The following TBC1D22A variants were observed in gnomAD, a reference collection of about 807,000 sequenced individuals.
The protein encoded by TBC1D22A is putative GTPase activator.
In TBC1D22A, 38 loss-of-function variants were observed where a neutral mutation model predicts 60.2. The ratio of observed to expected loss-of-function variants is 0.63; its 90% CI spans 0.49 to 0.83. The LOEUF (loss-of-function observed/expected upper bound fraction) is 0.83, where lower values mean the gene tolerates loss of function less well. Ranked by LOEUF, TBC1D22A falls within the 40% of genes least tolerant of loss-of-function variation. The probability of loss-of-function intolerance (pLI) is 0.00; values close to 1 mark genes in which losing one functional copy is unlikely to be tolerated. For missense variants in TBC1D22A, 628 were observed against 701.0 expected, an observed-to-expected ratio of 0.90 and a Z score of 1.18; for synonymous variants, 302 against 281.7, an observed-to-expected ratio of 1.07 and a Z score of -0.72.
chr22:47,030,597 A>G (rs2062438354), intron 10 of TBC1D22A, among the ~76,000 whole-genome samples: 1 of 152,190 alleles, frequency 6.6e-6, no homozygotes, highest in African/African-American at 2.4e-5. Flanking sequence ...CCTGCCACAT[A>G]AGGGCTTTAT....
At chr22:46,772,113 G>A (rs2083502806) in intron 1 of TBC1D22A, among the ~76,000 whole-genome samples, 1 of 107,800 alleles carries the variant, frequency 9.3e-6, no homozygotes. Flanking sequence ...ACATATATAT[G>A]TATACACACA....
chr22:46,895,061 G>T (rs1166221514), intron 7 of TBC1D22A, among the ~76,000 whole-genome samples: 1 of 152,196 alleles, frequency 6.6e-6, no homozygotes, highest in Admixed American at 6.5e-5. Flanking sequence ...ACACAGCGAA[G>T]AATGTATGTA....
At chr22:47,089,533 T>A (rs2064835136) in intron 11 of TBC1D22A, among the ~76,000 whole-genome samples, 1 of 152,222 alleles carries the variant, frequency 6.6e-6, no homozygotes, top group Non-Finnish European at 1.5e-5. Context: ...CACAGACATG[T>A]GCGCACAAAG....
At chr22:46,958,192 C>T (rs987778587) in intron 8 of TBC1D22A, among the ~76,000 whole-genome samples, 3 of 152,206 alleles carry the variant, frequency 2.0e-5, no homozygotes, top group African/African-American at 7.2e-5. Flanking sequence ...GCACCCTGCT[C>T]TGGCGGTTGT....
intron 11 of TBC1D22A, among the ~76,000 whole-genome samples, chr22:47,053,409 C>T (rs1461700069): frequency 6.6e-6 from 1 of 152,196 alleles, no homozygotes; most frequent in Non-Finnish European, 1.5e-5. Context: ...CTGGAGGCCA[C>T]AGTTACCTGC....
intron 5 of TBC1D22A, among the ~76,000 whole-genome samples, chr22:46,883,354 A>G (rs1207010010): frequency 2.6e-5 from 4 of 152,364 alleles, no homozygotes; most frequent in South Asian, 2.1e-4. Context: ...TAATACAGCA[A>G]TTAAGTTTTC....
intron 9 of TBC1D22A, among the ~76,000 whole-genome samples, chr22:46,976,563 G>T (rs566270507): frequency 2.6e-5 from 4 of 152,204 alleles, no homozygotes; most frequent in Non-Finnish European, 5.9e-5. Context: ...ACGGCAACAC[G>T]CAGACCGGCG....
chr22:47,083,363 A>G (rs916369289), intron 11 of TBC1D22A, among the ~76,000 whole-genome samples: 1 of 152,002 alleles, frequency 6.6e-6, no homozygotes, highest in African/African-American at 2.4e-5. Context: ...ACACACACAC[A>G]CACACACACA....
chr22:46,766,839 ACCT>A (rs1046952428), intron 1 of TBC1D22A, among the ~76,000 whole-genome samples: 4 of 151,834 alleles, frequency 2.6e-5, no homozygotes, highest in Non-Finnish European at 5.9e-5. Flanking sequence ...CCCGGCCCAC[ACCT>A]CCTGTTTTTA....
chr22:46,970,210 C>T (rs1452996167), intron 8 of TBC1D22A, among the ~76,000 whole-genome samples: 3 of 152,088 alleles, frequency 2.0e-5, no homozygotes, highest in Non-Finnish European at 4.4e-5. Context: ...GGCCTGAGAG[C>T]CGCCCCCTGC....
At chr22:47,166,122 G>A (rs1036090581) in intron 12 of TBC1D22A, among the ~76,000 whole-genome samples, 6 of 152,192 alleles carry the variant, frequency 3.9e-5, no homozygotes, top group Non-Finnish European at 7.3e-5. Context: ...CTGTGCCCGG[G>A]AGCAGGTGTT....
intron 10 of TBC1D22A, among the ~76,000 whole-genome samples, chr22:47,007,604 T>G (rs2061632471): frequency 6.6e-6 from 1 of 151,590 alleles, no homozygotes; most frequent in Non-Finnish European, 1.5e-5. Context: ...TGGTTTCTGG[T>G]GAGGGCTGTC....
rs954672046 is a variant in TBC1D22A at position 47,090,263 on chromosome 22, G to A, written c.1330-21245G>A. ...CATCCGCCAGCTCATGTCTCCACCCGGCACACACTGAGCTGGGCAGGAATG... is the reference window on the plus strand; with the variant it reads ...CATCCGCCAGCTCATGTCTCCACCCAGCACACACTGAGCTGGGCAGGAATG... On this transcript the variant is annotated intron_variant, in intron 11 of 12. Transcript: ENST00000337137. 3.9e-5 allele frequency among the ~76,000 whole-genome samples: 6 copies of A among 152,260 alleles called. No homozygotes were observed. The East Asian group carries it at 7.7e-4, about 20-fold the overall frequency.
chr22:46,933,308 G>A (rs1440011482), intron 8 of TBC1D22A, among the ~76,000 whole-genome samples: 2 of 152,348 alleles, frequency 1.3e-5, no homozygotes, highest in East Asian at 3.9e-4. Context: ...AAGGTGAGGT[G>A]CAGGTCCTGG....
In TBC1D22A at chr22:46,810,738, A is replaced by T. The variant is rs115070125; in HGVS notation, c.637+13118A>T. Among the ~76,000 whole-genome samples, 1,237 of 152,298 alleles carry T rather than the reference A, an allele frequency of 8.1e-3. 13 individuals carry two copies. Among genetic ancestry groups the T allele is most frequent in the African/African-American group, 0.029 (1,201 of 41,544 alleles). The stretch of plus-strand genomic sequence containing the variant: ...TTAAGCTTTGGGAGGAGTTTTTTTT[A>T]AAACAATAATTACATAATTGGCGAG... On this transcript the variant is annotated intron_variant, in intron 4 of 12. Coordinates refer to ENST00000337137, the MANE Select transcript of TBC1D22A (RefSeq NM_014346.5).
chr22:47,076,625 C>T (rs903075160), intron 11 of TBC1D22A, among the ~76,000 whole-genome samples: 2 of 151,920 alleles, frequency 1.3e-5, no homozygotes, highest in African/African-American at 4.8e-5. Flanking sequence ...GGTTTATCTC[C>T]TGCATTTCCT....
intron 8 of TBC1D22A, chr22:46,915,455 C>T (rs1429712526): frequency 4.4e-6 from 2 of 456,684 alleles, no homozygotes; most frequent in South Asian, 3.1e-5. Flanking sequence ...AGTCCTTGGG[C>T]CTCAGCGTTC....
intron 8 of TBC1D22A, among the ~76,000 whole-genome samples, chr22:46,945,428 T>G (rs534433378): frequency 6.6e-6 from 1 of 152,336 alleles, no homozygotes; most frequent in East Asian, 1.9e-4. Flanking sequence ...TGTTATTATG[T>G]CTTACTAATT....
Position 47,019,019 on chromosome 22 carries a change from T to C in TBC1D22A, c.1202-18052T>C, listed in dbSNP as rs2061993111. ...GGAGTCAGTTACTCAGCAAGTCTTA[T>C]CCAGCCCCTGTAGTGTTGGAGGCTC... On this transcript the variant is annotated intron_variant, in intron 10 of 12. Transcript: ENST00000337137. Among the ~76,000 whole-genome samples, 5 of 152,200 alleles carry C rather than the reference T, an allele frequency of 3.3e-5. 1 individual carries two copies. The South Asian group carries it at 1.0e-3, about 31-fold the overall frequency.
Sources: gnomAD v4.1 joint callset for allele counts (sites outside exome capture counted in the v4.1 genomes callset) on GRCh38, gnomAD v4.1.1 for gene constraint, MANE v1.5 for transcripts, NCBI Gene and HGNC (gene_info 2026-07-23, HGNC 2026-07-21) for gene names.